The following SULT6B1 variants were observed in gnomAD, a reference collection of about 807,000 sequenced individuals.
SULT6B1 encodes sulfotransferase family 6B member 1.
SULT6B1 carries 44 observed loss-of-function variants against 37.2 expected under a neutral mutation model. That is an observed-to-expected ratio of 1.18 (90% CI 0.93 to 1.52). The LOEUF is 1.52. SULT6B1 is among the 40% of genes most tolerant of loss of function. The pLI is 0.00. For synonymous variants in SULT6B1, 140 were observed against 126.0 expected (o/e 1.11, Z -0.74); for missense variants, 450 against 361.0 (o/e 1.25, Z -2.00).
chr2:37,179,575 T>G lies in SULT6B1; in HGVS notation c.412A>C (p.Ile138Leu). 1 of 1,611,198 alleles carries G rather than the reference T, an allele frequency of 6.2e-7. No homozygotes were observed. Among genetic ancestry groups the G allele is most frequent in the African/African-American group, 1.3e-5 (1 of 74,974 alleles). The part of the protein sequence containing the change: ...IFENKAKILV[I>L]FRNPKDTAVS... ...GCTGTATCTTTAGGGTTTCGAAATA[T>G]CACCAATATCTAGGGAGCAAAAATT... The change falls in exon 4 of 7, where the codon ATA (isoleucine) becomes CTA (leucine). Residue 138 changes from isoleucine to leucine, a missense_variant. By Grantham distance (5) the Ile-to-Leu change is conservative. Transcript: ENST00000535679.
At chr2:37,175,786 G>A (rs868548881) in intron 4 of SULT6B1, among the ~76,000 whole-genome samples, 2 of 152,080 alleles carry the variant, frequency 1.3e-5, no homozygotes, top group Non-Finnish European at 2.9e-5. Context: ...ATCTTCAAAA[G>A]CCATGGAGTA....
At chr2:37,186,863 T>C (rs1459478413) in intron 2 of SULT6B1, among the ~76,000 whole-genome samples, 2 of 152,274 alleles carry the variant, frequency 1.3e-5, no homozygotes, top group East Asian at 3.9e-4. Flanking sequence ...ACCACTGCAC[T>C]GCAGCCTGGG....
At chr2:37,177,736 G>C (rs1358068281) in intron 4 of SULT6B1, among the ~76,000 whole-genome samples, 2 of 152,110 alleles carry the variant, frequency 1.3e-5, no homozygotes, top group Non-Finnish European at 2.9e-5. Context: ...CACAAAACAG[G>C]TAATTGTGTG....
chr2:37,179,684 T>C, intron 3 of SULT6B1, 100 bp from the exon 4 acceptor site: 1 of 1,031,406 alleles, frequency 9.7e-7, no homozygotes, highest in Non-Finnish European at 1.4e-6. Context: ...GTATATTACA[T>C]AATTGTGTTA....
chr2:37,194,523 A>C, intron 1 of SULT6B1: 1 of 387,664 alleles, frequency 2.6e-6, no homozygotes, highest in East Asian at 7.4e-5. Flanking sequence ...CCTTTGGCAA[A>C]GACAACTTTA....
intron 6 of SULT6B1, 111 bp downstream of exon 6, chr2:37,171,323 G>A (rs1386791433): frequency 7.6e-6 from 10 of 1,324,032 alleles, no homozygotes; most frequent in Non-Finnish European, 9.3e-6. Context: ...TCTTACTGAG[G>A]CGGAGAAAAA....
At chr2:37,191,829 A>G (rs1676786935), upstream of SULT6B1, among the ~76,000 whole-genome samples, 1 of 152,226 alleles carries the variant, frequency 6.6e-6, no homozygotes, top group Non-Finnish European at 1.5e-5. Flanking sequence ...CCAGCCCAGG[A>G]GCAGCAGCAG....
chr2:37,175,336 T>G, intron 4 of SULT6B1, 110 bp from the exon 5 acceptor site: 1 of 448,780 alleles, frequency 2.2e-6, no homozygotes, highest in Non-Finnish European at 3.9e-6. Context: ...ATGCTCGAGA[T>G]ATCTTTATGT....
upstream of SULT6B1, chr2:37,189,906 C>G (rs1026294429): frequency 6.6e-6 from 1 of 152,186 alleles, no homozygotes; most frequent in African/African-American, 2.4e-5. Context: ...ACTGTGTTGG[C>G]AAACCAGATT....
chr2:37,177,168 C>T (rs1676448276), intron 4 of SULT6B1, among the ~76,000 whole-genome samples: 1 of 151,950 alleles, frequency 6.6e-6, no homozygotes, highest in East Asian at 1.9e-4. Flanking sequence ...TCATTTGCAA[C>T]AACACGGAGG....
Position 37,168,042 on chromosome 2 carries a change from A to G in SULT6B1, c.805T>C (p.Leu269=). Residue 269 remains leucine, a synonymous_variant, in exon 7 of 7, where the codon TTG becomes CTG. Transcript: ENST00000535679. ...RKGEVGDWKN[L]FSEIQNQEMD... The stretch of plus-strand genomic sequence containing the variant: ...TCCTGGTTCTGAATTTCACTGAACA[A>G]ATTTTTCCAATCACCAACTTCACCT... 1 of 1,595,746 alleles carries G rather than the reference A, an allele frequency of 6.3e-7. No homozygotes were observed. Among genetic ancestry groups the G allele is most frequent in the African/African-American group, 1.4e-5 (1 of 74,024 alleles).
intron 3 of SULT6B1, among the ~76,000 whole-genome samples, chr2:37,181,541 G>A (rs1463166690): frequency 2.0e-5 from 3 of 152,114 alleles, no homozygotes; most frequent in East Asian, 3.9e-4. Context: ...CACCATGCCC[G>A]GCTAATTTTT....
intron 4 of SULT6B1, among the ~76,000 whole-genome samples, chr2:37,178,960 T>TGTTG (rs1676488635): frequency 6.6e-6 from 1 of 151,904 alleles, no homozygotes; most frequent in Admixed American, 6.6e-5. Flanking sequence ...GTTTTTTGTT[T>TGTTG]GTTTGTTTGT....
rs551743205 is a variant in SULT6B1 at position 37,176,905 on chromosome 2, C to G, written c.530-1679G>C. The stretch of plus-strand genomic sequence containing the variant: ...TGGAGCTAAGGAACACATTCGGCTA[C>G]TGCTGATGTGTTCCTCCTTTTTCAT... On this transcript the variant is annotated intron_variant, in intron 4 of 6. Transcript: ENST00000535679. 9.9e-5 allele frequency among the ~76,000 whole-genome samples: 15 copies of G among 152,230 alleles called. No individual in the cohort carries two copies. The South Asian group carries it at 3.1e-3, about 32-fold the overall frequency.
At chr2:37,191,508 A>G (rs1221525969), upstream of SULT6B1, among the ~76,000 whole-genome samples, 1 of 152,344 alleles carries the variant, frequency 6.6e-6, no homozygotes, top group Admixed American at 6.5e-5. Flanking sequence ...AGGCACGAGC[A>G]GGAGGCAGAG....
At position 37,171,453 on chromosome 2, in the gene SULT6B1, G is replaced by GC; in HGVS notation, c.761dup (p.Phe256IlefsTer7). ...CTTTACCTTTGCGGAAAAGGAATGGGCCGACAGCACCGTGTGTGTCCTGAG... is the reference window on the plus strand; with the variant it reads ...CTTTACCTTTGCGGAAAAGGAATGGGCCCGACAGCACCGTGTGTGTCCTGAG... On this transcript the variant is annotated frameshift_variant, in exon 6 of 7. Transcript: ENST00000535679. LOFTEE classifies it high-confidence loss of function. 6.2e-7 allele frequency: 1 copy of GC among 1,613,810 alleles called. No individual in the cohort carries two copies.
intron 1 of SULT6B1, among the ~76,000 whole-genome samples, chr2:37,188,224 C>T (rs181216838): frequency 4.1e-4 from 62 of 152,232 alleles, no homozygotes; most frequent in African/African-American, 1.4e-3. Flanking sequence ...ATGGCCTTTC[C>T]GCACAGAGCT....
chr2:37,193,647 A>AGAAGAAGAAGAAGAG (rs1399734000), upstream of SULT6B1, among the ~76,000 whole-genome samples: 3 of 144,920 alleles, frequency 2.1e-5, no homozygotes, highest in Admixed American at 6.9e-5. Flanking sequence ...AAGAAGAAGA[A>AGAAGAAGAAGAAGAG]GAAGGAGAAG....
chr2:37,195,038 C>G (rs1676881389), intron 1 of SULT6B1, among the ~76,000 whole-genome samples: 1 of 151,854 alleles, frequency 6.6e-6, no homozygotes, highest in Non-Finnish European at 1.5e-5. Context: ...TAACCTCTGC[C>G]TCCTGGGTTC....
Sources: gnomAD v4.1 joint callset for allele counts (sites outside exome capture counted in the v4.1 genomes callset) on GRCh38, gnomAD v4.1.1 for gene constraint, MANE v1.5 for transcripts, NCBI Gene and HGNC (gene_info 2026-07-23, HGNC 2026-07-21) for gene names.